The following ATE1 variants were observed in gnomAD, a reference collection of about 807,000 sequenced individuals.
ATE1 encodes the protein arginyltransferase 1, also known as arginyl-tRNA--protein transferase 1.
A neutral mutation model predicts 70.5 loss-of-function variants in ATE1; 36 were observed. The ratio of observed to expected loss-of-function variants is 0.51; its 90% CI spans 0.39 to 0.67. The LOEUF is 0.67. ATE1 is among the 30% of genes least tolerant of loss of function. The pLI, the probability that ATE1 is intolerant of heterozygous loss-of-function variation, is 0.00. For synonymous variants in ATE1, 232 were observed against 219.3 expected, an observed-to-expected ratio of 1.06 and a Z score of -0.51; for missense variants, 593 against 629.5, an observed-to-expected ratio of 0.94 and a Z score of 0.62.
At chr10:121,921,385 C>T (rs1277622543) in intron 3 of ATE1, among the ~76,000 whole-genome samples, 1 of 150,660 alleles carries the variant, frequency 6.6e-6, no homozygotes, top group Non-Finnish European at 1.5e-5. Flanking sequence ...GCCGACTTGT[C>T]CCAGAGGCAG....
intron 5 of ATE1, among the ~76,000 whole-genome samples, chr10:121,904,514 G>T (rs527383886): frequency 4.0e-5 from 6 of 151,412 alleles, no homozygotes; most frequent in East Asian, 2.0e-4. Context: ...GGTGGCGCAC[G>T]CCTGTAGTCC....
chr10:121,926,461 A>C (rs757647594), intron 1 of ATE1, among the ~76,000 whole-genome samples: 50 of 152,200 alleles, frequency 3.3e-4, no homozygotes, highest in Non-Finnish European at 8.8e-5. Context: ...AAGAGTATTA[A>C]AATTAAAATC....
chr10:121,893,260 G>C, intron 7 of ATE1, among the ~76,000 whole-genome samples: 1 of 139,904 alleles, frequency 7.1e-6, no homozygotes, highest in African/African-American at 2.6e-5. Flanking sequence ...CTGGGTGACA[G>C]AGTGAGACTT....
At chr10:121,774,353 C>T (rs1048720944) in intron 11 of ATE1, among the ~76,000 whole-genome samples, 3 of 152,086 alleles carry the variant, frequency 2.0e-5, no homozygotes, top group African/African-American at 4.8e-5. Context: ...CCCCTCCTCC[C>T]CAATACTCTC....
At chr10:121,828,768 A>G (rs1948121801) in intron 10 of ATE1, among the ~76,000 whole-genome samples, 1 of 152,194 alleles carries the variant, frequency 6.6e-6, no homozygotes, top group Admixed American at 6.5e-5. Context: ...ACACATAAAG[A>G]CAGACACATC....
chr10:121,764,012 AAAAAT>A (rs1945169211), intron 11 of ATE1, among the ~76,000 whole-genome samples: 1 of 152,236 alleles, frequency 6.6e-6, no homozygotes, highest in South Asian at 2.1e-4. Context: ...CCTGTCTTAA[AAAAAT>A]AAAATAAAAA....
chr10:121,821,837 C>T (rs1178978707), intron 10 of ATE1, among the ~76,000 whole-genome samples: 3 of 152,148 alleles, frequency 2.0e-5, no homozygotes, highest in Admixed American at 6.5e-5. Flanking sequence ...GCTGAGACTG[C>T]GCCACTGCAC....
At chr10:121,800,880 A>G (rs1946850898) in intron 10 of ATE1, among the ~76,000 whole-genome samples, 1 of 152,228 alleles carries the variant, frequency 6.6e-6, no homozygotes. Flanking sequence ...TATTAAACCC[A>G]GTCTTTCCCC....
chr10:121,857,351 G>C (rs1949284758), intron 8 of ATE1, among the ~76,000 whole-genome samples: 2 of 152,140 alleles, frequency 1.3e-5, no homozygotes, highest in Non-Finnish European at 2.9e-5. Context: ...TCACTTAAAA[G>C]CAAGAACATG....
intron 11 of ATE1, among the ~76,000 whole-genome samples, chr10:121,785,220 T>TA (rs757411807): frequency 9.2e-5 from 14 of 152,074 alleles, no homozygotes; most frequent in East Asian, 5.8e-4. Flanking sequence ...TCAGAAGTAT[T>TA]AAAAAAAAGC....
intron 8 of ATE1, among the ~76,000 whole-genome samples, chr10:121,869,477 T>C (rs902494130): frequency 6.6e-6 from 1 of 152,222 alleles, no homozygotes; most frequent in Non-Finnish European, 1.5e-5. Context: ...TTGAAAACCA[T>C]GATGAGGATT....
intron 10 of ATE1, among the ~76,000 whole-genome samples, chr10:121,799,564 C>T (rs1041512353): frequency 6.6e-6 from 1 of 152,108 alleles, no homozygotes. Context: ...AAATGAGAAA[C>T]AACTGTTTCA....
rs368284172 is a variant in ATE1 at position 121,850,674 on chromosome 10, T to C, written c.976-9411A>G. ...AGGTAGAAGAGGAGCCTGCCAACTG[T>C]AAGCGGCAAATAGAAACTGAGCAGG... On this transcript the variant is annotated intron_variant, in intron 8 of 11. Coordinates refer to ENST00000224652, the MANE Select transcript of ATE1 (RefSeq NM_001001976.3). Among the ~76,000 whole-genome samples, 3 of 152,308 alleles carry C rather than the reference T, an allele frequency of 2.0e-5. No individual in the cohort carries two copies. In the East Asian group the frequency reaches 5.8e-4, roughly 29 times the overall value.
chr10:121,906,594 A>C (rs1029978847), intron 5 of ATE1, among the ~76,000 whole-genome samples: 2 of 151,872 alleles, frequency 1.3e-5, no homozygotes, highest in African/African-American at 2.4e-5. Flanking sequence ...AAAAAAAAAA[A>C]ATCCAAGGTT....
At position 121,890,562 on chromosome 10, in the gene ATE1, T is replaced by C. The variant is rs553157800; in HGVS notation, c.942+9304A>G. Reference sequence around the variant, plus strand: ...TGTCTGATAATGTTGATAATAAAATTTGGGAAACAATTAGTCAGTGAATGC... The same window carrying C: ...TGTCTGATAATGTTGATAATAAAATCTGGGAAACAATTAGTCAGTGAATGC... On this transcript the variant is annotated intron_variant, in intron 7 of 11. Transcript: ENST00000224652. Among the ~76,000 whole-genome samples, 10 of 152,300 alleles carry C rather than the reference T, an allele frequency of 6.6e-5. No homozygotes were observed. In the East Asian group the frequency reaches 1.9e-3, roughly 29 times the overall value.
intron 7 of ATE1, among the ~76,000 whole-genome samples, chr10:121,889,892 A>C (rs1056892203): frequency 6.6e-6 from 1 of 152,196 alleles, no homozygotes; most frequent in Admixed American, 6.5e-5. Flanking sequence ...GAATTTCTAC[A>C]GTTTTTAAAG....
chr10:121,883,875 C>A (rs1241408937), intron 7 of ATE1, among the ~76,000 whole-genome samples: 2 of 151,556 alleles, frequency 1.3e-5, no homozygotes, highest in East Asian at 3.9e-4. Flanking sequence ...GAGGCCAAGG[C>A]GGGTGGATCA....
intron 11 of ATE1, among the ~76,000 whole-genome samples, chr10:121,789,615 T>C (rs1487689909): frequency 1.3e-5 from 2 of 152,114 alleles, no homozygotes; most frequent in Non-Finnish European, 2.9e-5. Flanking sequence ...ATACTTTCAA[T>C]GTCTGTATAT....
chr10:121,914,024 A>G, intron 3 of ATE1, 131 bp from the exon 4 acceptor site: 1 of 627,528 alleles, frequency 1.6e-6, no homozygotes, highest in Non-Finnish European at 2.7e-6. Flanking sequence ...GGCTTAATGT[A>G]GCCTCTAATC....
Sources: gnomAD v4.1 joint callset for allele counts (sites outside exome capture counted in the v4.1 genomes callset) on GRCh38, gnomAD v4.1.1 for gene constraint, MANE v1.5 for transcripts, NCBI Gene and HGNC (gene_info 2026-07-23, HGNC 2026-07-21) for gene names.